Variants in IL17RD observed in about 807,000 individuals in gnomAD.
IL17RD encodes interleukin 17 receptor D.
IL17RD carries 52 observed loss-of-function variants against 80.5 expected under a neutral mutation model. The observed-to-expected ratio is 0.65, with a 90% CI of 0.52 to 0.81. IL17RD has a LOEUF of 0.81. IL17RD is among the 40% of genes least tolerant of loss of function. IL17RD has a pLI of 0.00. For missense variants in IL17RD, 1,024 were observed against 955.1 expected (o/e 1.07, Z -0.95); for synonymous variants, 416 against 391.8 (o/e 1.06, Z -0.73).
chr3:57,165,496 C>A, upstream of IL17RD: 1 of 251,128 alleles, frequency 4.0e-6, no homozygotes, highest in Non-Finnish European at 7.1e-6. Flanking sequence ...GCCCTGCCCC[C>A]GTAGACCACG....
chr3:57,129,510 G>A (rs1341983674), intron 1 of IL17RD, among the ~76,000 whole-genome samples: 1 of 152,128 alleles, frequency 6.6e-6, no homozygotes, highest in African/African-American at 2.4e-5. Context: ...GAGGCACAGG[G>A]ACTGAGTCTC....
chr3:57,160,883 A>G (rs1203748055), intron 1 of IL17RD, among the ~76,000 whole-genome samples: 1 of 152,210 alleles, frequency 6.6e-6, no homozygotes, highest in Non-Finnish European at 1.5e-5. Flanking sequence ...GCATTTTAAC[A>G]AGCTCCTGAG....
chr3:57,128,306 A>G (rs1169218629), intron 1 of IL17RD, among the ~76,000 whole-genome samples: 1 of 152,218 alleles, frequency 6.6e-6, no homozygotes, highest in African/African-American at 2.4e-5. Context: ...TCACTACTCC[A>G]GAGCACCGCC....
At chr3:57,162,654 T>C (rs910773649) in intron 1 of IL17RD, among the ~76,000 whole-genome samples, 1 of 152,016 alleles carries the variant, frequency 6.6e-6, no homozygotes, top group Non-Finnish European at 1.5e-5. Flanking sequence ...GCAAAGACAA[T>C]GGACCTTGAT....
At chr3:57,139,345 TG>T (rs1707787626) in intron 1 of IL17RD, among the ~76,000 whole-genome samples, 1 of 152,162 alleles carries the variant, frequency 6.6e-6, no homozygotes, top group Non-Finnish European at 1.5e-5. Context: ...TCAAGATGGA[TG>T]TTTTCAACAT....
chr3:57,116,409 G>C (rs1003946804), intron 2 of IL17RD, among the ~76,000 whole-genome samples: 98 of 150,454 alleles, frequency 6.5e-4, no homozygotes, highest in African/African-American at 2.0e-3. Context: ...TCAGCCTCCC[G>C]AGTAGCTGGG....
chr3:57,141,565 ATTAT>A (rs1423215912), intron 1 of IL17RD, among the ~76,000 whole-genome samples: 2 of 152,178 alleles, frequency 1.3e-5, no homozygotes, highest in African/African-American at 2.4e-5. Context: ...TTAAACATTA[ATTAT>A]TTGTCACTTC....
rs1475671917 is a variant in IL17RD at position 57,127,339 on chromosome 3, A to ATAAAT, written c.127-7027_127-7026insATTTA. 5.2e-4 allele frequency among the ~76,000 whole-genome samples: 35 copies of ATAAAT among 67,206 alleles called. 1 individual carries two copies. Among genetic ancestry groups the ATAAAT allele is most frequent in the African/African-American group, 2.5e-3 (33 of 13,274 alleles). 44.1% of individuals were successfully genotyped at this position (67,206 alleles called of 152,430 possible). A position where few individuals can be genotyped will look rare whatever the true frequency, so the allele number is the denominator to read the frequency against. On this transcript the variant is annotated intron_variant, in intron 1 of 12. Transcript: ENST00000296318. ...AAAAATATATATAAATATATATAAA[A>ATAAAT]ATATATATAAATATATATAAATATA... is the stretch of plus-strand genomic sequence containing the variant.
intron 1 of IL17RD, among the ~76,000 whole-genome samples, chr3:57,157,461 AG>A (rs1295992261): frequency 6.6e-6 from 1 of 152,182 alleles, no homozygotes; most frequent in African/African-American, 2.4e-5. Context: ...AACCTAACAC[AG>A]GGTGGCTGCT....
At chr3:57,126,229 C>T (rs1344153506) in intron 1 of IL17RD, among the ~76,000 whole-genome samples, 1 of 152,234 alleles carries the variant, frequency 6.6e-6, no homozygotes, top group African/African-American at 2.4e-5. Flanking sequence ...ATTTGCTGCA[C>T]TAACGGGTAG....
At chr3:57,161,177 CTGAG>C (rs1360257492) in intron 1 of IL17RD, among the ~76,000 whole-genome samples, 1 of 152,196 alleles carries the variant, frequency 6.6e-6, no homozygotes, top group Non-Finnish European at 1.5e-5. Flanking sequence ...TCAACCAGGA[CTGAG>C]TAATTTTTTA....
chr3:57,127,383 A>AT lies in IL17RD; in HGVS notation c.127-7071_127-7070insA, dbSNP rs1367760475. On this transcript the variant is annotated intron_variant, in intron 1 of 12. Coordinates refer to ENST00000296318, the MANE Select transcript of IL17RD (RefSeq NM_017563.5). The stretch of plus-strand genomic sequence containing the variant: ...AAATATAAATATATATATATAAATA[A>AT]ATAAATAAATAAATATATATATATA... Among the ~76,000 whole-genome samples the AT allele has an allele frequency of 2.4e-4, 22 of 91,950 alleles. No homozygotes were observed. The East Asian group carries it at 5.6e-3, about 24-fold the overall frequency. The allele number at this position is 91,950 out of a possible 152,430, so 60.3% of individuals were successfully genotyped here.
chr3:57,123,517 G>A (rs999859061), intron 1 of IL17RD, among the ~76,000 whole-genome samples: 5 of 152,142 alleles, frequency 3.3e-5, no homozygotes, highest in African/African-American at 7.2e-5. Flanking sequence ...GCTGCTTGCC[G>A]CATCACACTG....
chr3:57,107,633 C>T (rs2107478885), intron 5 of IL17RD, among the ~76,000 whole-genome samples: 1 of 152,266 alleles, frequency 6.6e-6, no homozygotes, highest in Admixed American at 6.5e-5. Flanking sequence ...GGCGACCAGC[C>T]ACCAAAGTTT....
rs979792008 is a variant in IL17RD, at chr3:57,092,905, C to G, written c.*3488G>C. 4 of 152,160 alleles carry G rather than the reference C, an allele frequency of 2.6e-5. No homozygotes were observed. Among genetic ancestry groups the G allele is most frequent in the Non-Finnish European group, 5.9e-5 (4 of 68,028 alleles). The allele number at this position is 152,160 out of a possible 1,614,324, so 9.4% of individuals were successfully genotyped here. A position where few individuals can be genotyped will look rare whatever the true frequency, so the allele number is the denominator to read the frequency against. ...TGGTAGTCAGTGGACCAAATCAGGT[C>G]CATCCATGTCTTCTGCTGGGTCTAA... is the stretch of plus-strand genomic sequence containing the variant. On this transcript the variant is annotated 3_prime_UTR_variant, in exon 13 of 13. Coordinates refer to ENST00000296318, the MANE Select transcript of IL17RD (RefSeq NM_017563.5).
chr3:57,131,713 G>C (rs113221084), intron 1 of IL17RD, among the ~76,000 whole-genome samples: 83 of 152,296 alleles, frequency 5.4e-4, no homozygotes, highest in African/African-American at 1.6e-3. Flanking sequence ...CTTTTTATTT[G>C]GGGGAGAACT....
chr3:57,113,594 T>C (rs886782305), intron 3 of IL17RD, among the ~76,000 whole-genome samples: 1 of 152,170 alleles, frequency 6.6e-6, no homozygotes, highest in African/African-American at 2.4e-5. Context: ...TTGAGTGCAG[T>C]GGCACGATAA....
Position 57,098,213 on chromosome 3 carries a change from T to G in IL17RD, c.1490A>C (p.Lys497Thr). Residue 497 changes from lysine (K) to threonine (T), a missense_variant, in exon 12 of 13, where the codon AAG becomes ACG. Physicochemically the swap from Lys to Thr is moderately conservative, Grantham distance 78. Coordinates refer to ENST00000296318, the MANE Select transcript of IL17RD (RefSeq NM_017563.5). ...DVPGILDLST[K>T]YRLMDNLPQL... ...AGGAAGATTGTCCATGAGTCTGTAC[T>G]TGGTACTCAGGTCTAGGATACCGGG... The G allele has an allele frequency of 6.2e-7, 1 of 1,613,908 alleles. No individual in the cohort carries two copies. The highest frequency in any genetic ancestry group is 2.2e-5 in the East Asian group (1 of 44,880).
chr3:57,100,109 G>A (rs1263040626), intron 11 of IL17RD, among the ~76,000 whole-genome samples: 4 of 152,180 alleles, frequency 2.6e-5, no homozygotes, highest in African/African-American at 9.7e-5. Flanking sequence ...CTAATAACTG[G>A]AAGAGCGTTT....
Sources: allele counts gnomAD v4.1 joint callset (sites outside exome capture counted in the v4.1 genomes callset), GRCh38; gene constraint gnomAD v4.1.1; transcripts MANE v1.5; gene names NCBI Gene and HGNC (gene_info 2026-07-23, HGNC 2026-07-21).